AOX1: variants seen among roughly 807,000 people sequenced by gnomAD.
AOX1 encodes aldehyde oxidase 1, also known as aldehyde oxidase.
AOX1 carries 153 observed loss-of-function variants against 169.5 expected under a neutral mutation model. The ratio of observed to expected loss-of-function variants is 0.90; its 90% CI spans 0.79 to 1.03. The LOEUF (loss-of-function observed/expected upper bound fraction) is 1.03. Ranked by LOEUF, AOX1 falls within the 50% of genes least tolerant of loss-of-function variation. The pLI is 0.00. For missense variants in AOX1, 1,656 were observed against 1,663.9 expected (o/e 1.00, Z 0.08); for synonymous variants, 562 against 581.9 (o/e 0.97, Z 0.49).
Position 200,604,805 on chromosome 2 carries a change from C to G in AOX1, c.779C>G (p.Pro260Arg). 1 of 1,613,934 alleles carries G rather than the reference C, an allele frequency of 6.2e-7. No individual in the cohort carries two copies. The highest frequency in any genetic ancestry group is 8.5e-7 in the Non-Finnish European group (1 of 1,179,952). Residue 260 changes from proline (P) to arginine (R), a missense_variant, in exon 9 of 35, where the codon CCC (proline) becomes CGC (arginine). Physicochemically the swap from Pro to Arg is moderately radical, Grantham distance 103 (BLOSUM62 -2). Transcript: ENST00000374700. ...KELLEFKFKY[P>R]QAPVIMGNTS... The stretch of plus-strand genomic sequence containing the variant: ...CTGCTGGAATTTAAATTCAAGTATC[C>G]CCAGGCTCCTGTTATCATGGGAAAC...
rs1343327589 is a variant in AOX1, at chr2:200,659,983, A to C, written c.3301-12A>C. 2 of 1,605,304 alleles carry C rather than the reference A, an allele frequency of 1.2e-6. No individual in the cohort carries two copies. Among genetic ancestry groups the C allele is most frequent in the African/African-American group, 1.3e-5 (1 of 74,642 alleles). On this transcript the variant is annotated splice_polypyrimidine_tract_variant and intron_variant, in intron 28 of 34. Coordinates refer to ENST00000374700, the MANE Select transcript of AOX1 (RefSeq NM_001159.4). ...ATTAGGAGCATAATTTTAATTTAAA[A>C]ATAATCTCTAGGATGCCTGTCAAAC...
intron 33 of AOX1, 43 bp downstream of exon 33, chr2:200,668,846 C>G (rs907235264): frequency 6.5e-7 from 1 of 1,546,068 alleles, no homozygotes; most frequent in Non-Finnish European, 8.8e-7. Context: ...TTATATGATA[C>G]CTGTTGGGTG....
intron 31 of AOX1, 56 bp from the exon 32 acceptor site, chr2:200,666,631 C>A: frequency 7.4e-7 from 1 of 1,342,802 alleles, no homozygotes; most frequent in South Asian, 1.4e-5. Context: ...TCCTCAGCTT[C>A]TTCTCCCTAA....
chr2:200,666,588 G>C (rs1380054659), intron 31 of AOX1, 99 bp from the exon 32 acceptor site: 17 of 683,236 alleles, frequency 2.5e-5, no homozygotes, highest in Non-Finnish European at 3.4e-5. Context: ...TGAAAGAAAG[G>C]CTTTATACCA....
At chr2:200,647,572 G>T (rs1469298215) in intron 25 of AOX1, among the ~76,000 whole-genome samples, 1 of 152,204 alleles carries the variant, frequency 6.6e-6, no homozygotes, top group Non-Finnish European at 1.5e-5. Context: ...CCTACGTGAA[G>T]ATCTTTTTGC....
downstream of AOX1, among the ~76,000 whole-genome samples, chr2:200,677,291 T>G (rs16834034): frequency 0.13 from 19,454 of 152,122 alleles, 1,893 homozygotes; most frequent in African/African-American, 0.28. Flanking sequence ...CTGTAATGCA[T>G]GTAAAGGTGT....
At chr2:200,651,563 C>T (rs1216654039) in intron 26 of AOX1, among the ~76,000 whole-genome samples, 1 of 152,170 alleles carries the variant, frequency 6.6e-6, no homozygotes, top group African/African-American at 2.4e-5. Context: ...CAAGACTCCT[C>T]TTCCAGTGTC....
At chr2:200,618,915 T>C (rs958774129) in intron 16 of AOX1, among the ~76,000 whole-genome samples, 3 of 152,204 alleles carry the variant, frequency 2.0e-5, no homozygotes, top group African/African-American at 7.2e-5. Context: ...TGTCTTCAGT[T>C]CCATAGAGCA....
intron 3 of AOX1, among the ~76,000 whole-genome samples, chr2:200,596,907 T>A (rs1156386236): frequency 2.6e-5 from 4 of 152,186 alleles, no homozygotes; most frequent in Non-Finnish European, 4.4e-5. Context: ...TAATGGCTTG[T>A]TTTTACCTTC....
intron 13 of AOX1, 86 bp downstream of exon 13, chr2:200,611,579 G>A (rs2034642637): frequency 1.1e-6 from 1 of 900,824 alleles, no homozygotes; most frequent in Non-Finnish European, 1.8e-6. Flanking sequence ...TAAGAAAAAG[G>A]GTGAAGTGTT....
intron 16 of AOX1, among the ~76,000 whole-genome samples, chr2:200,617,112 A>G (rs1016351411): frequency 1.3e-5 from 2 of 152,242 alleles, no homozygotes; most frequent in South Asian, 4.1e-4. Flanking sequence ...ATGGATATTG[A>G]AATCATCCAA....
intron 16 of AOX1, among the ~76,000 whole-genome samples, chr2:200,619,775 C>A (rs373411326): frequency 6.6e-6 from 1 of 152,132 alleles, no homozygotes; most frequent in East Asian, 1.9e-4. Context: ...TGGCTTCATT[C>A]TCTATCAGGA....
At chr2:200,620,861 CTT>C in intron 17 of AOX1, 42 bp downstream of exon 17, 1 of 1,561,066 alleles carries the variant, frequency 6.4e-7, no homozygotes, top group Non-Finnish European at 8.6e-7. Flanking sequence ...AAATGATTGT[CTT>C]TTCATCTAAG....
Position 200,609,000 on chromosome 2 carries a change from TGGTCTCAGCCTAGCCCA to T in AOX1, c.928_944del (p.Leu310GlufsTer6). On this transcript the variant is annotated frameshift_variant, in exon 11 of 35. Transcript: ENST00000374700. LOFTEE classifies it high-confidence loss of function. The stretch of plus-strand genomic sequence containing the variant: ...TCATTTCAGGACTCACCCTTGGTGC[TGGTCTCAGCCTAGCCCA>T]GGTGAAGGACATTTTGGCTGATGTA... 1 of 1,613,910 alleles carries T rather than the reference TGGTCTCAGCCTAGCCCA, an allele frequency of 6.2e-7. No individual in the cohort carries two copies. The highest frequency in any genetic ancestry group is 1.7e-5 in the Admixed American group (1 of 59,952).
At chr2:200,604,664 G>A in intron 8 of AOX1, 32 bp from the exon 9 acceptor site, 1 of 1,613,094 alleles carries the variant, frequency 6.2e-7, no homozygotes, top group Non-Finnish European at 8.5e-7. Flanking sequence ...GGCATCATTG[G>A]GTACCTTGAA....
chr2:200,599,575 G>T (rs1344091590), intron 4 of AOX1, 45 bp from the exon 5 acceptor site: 2 of 1,552,070 alleles, frequency 1.3e-6, no homozygotes, highest in Admixed American at 3.7e-5. Flanking sequence ...TTAGGCCTGG[G>T]ATGGGGCCCC....
chr2:200,613,027 T>TGTGTGAGTGA lies in AOX1; in HGVS notation c.1448+235_1448+236insTGTGAGTGAG, dbSNP rs112472592. On this transcript the variant is annotated intron_variant, in intron 14 of 34. Transcript: ENST00000374700. ...GCGTGTGTGTGTGTGTGTGTGTGTGTGAGAGAGAGAGAGAGAGACAGACAG... is the reference window on the plus strand; with the variant it reads ...GCGTGTGTGTGTGTGTGTGTGTGTGTGTGTGAGTGAGAGAGAGAGAGAGAGAGACAGACAG... 3.4e-4 allele frequency among the ~76,000 whole-genome samples: 50 copies of TGTGTGAGTGA among 146,210 alleles called. No individual in the cohort carries two copies. The South Asian group carries it at 0.011, about 31-fold the overall frequency.
chr2:200,635,461 G>A (rs1466203604), intron 21 of AOX1, among the ~76,000 whole-genome samples: 1 of 149,476 alleles, frequency 6.7e-6, no homozygotes, highest in African/African-American at 2.4e-5. Context: ...CAAAATTTAT[G>A]TGGGTGGAGA....
intron 21 of AOX1, 93 bp from the exon 22 acceptor site, chr2:200,636,817 TG>T: frequency 6.9e-7 from 1 of 1,453,342 alleles, no homozygotes; most frequent in South Asian, 1.3e-5. Context: ...GGTTTTTTGT[TG>T]TTGTTGTTAA....
Sources: gnomAD v4.1 joint callset for allele counts (sites outside exome capture counted in the v4.1 genomes callset) on GRCh38, gnomAD v4.1.1 for gene constraint, MANE v1.5 for transcripts, NCBI Gene and HGNC (gene_info 2026-07-23, HGNC 2026-07-21) for gene names.